The following PEAR1 variants were observed in gnomAD, a reference collection of about 807,000 sequenced individuals.
The protein encoded by PEAR1 is platelet endothelial aggregation receptor 1, also known as multiple EGF-like domains protein 12.
Under a neutral mutation model 131.2 loss-of-function variants are expected in PEAR1, and 113 were observed. That is an observed-to-expected ratio of 0.86 (90% CI 0.74 to 1.01). PEAR1 has a LOEUF of 1.01. PEAR1 is among the 50% of genes least tolerant of loss of function. PEAR1 has a pLI of 0.00. For synonymous variants in PEAR1, 565 were observed against 523.3 expected (o/e 1.08, Z -1.09); for missense variants, 1,408 against 1,391.1 (o/e 1.01, Z -0.19).
In PEAR1 at chr1:156,916,150, T is replaced by C. The variant is rs1651843513; in HGVS notation, c.*1352T>C. On this transcript the variant is annotated 3_prime_UTR_variant, in exon 23 of 23. Coordinates refer to ENST00000292357, the MANE Select transcript of PEAR1 (RefSeq NM_001080471.3). ...TAAAGAAATTGAAGGTTTTGGGACA[T>C]ATATGTGACAGCAATAGGTTAAGAA... is the stretch of plus-strand genomic sequence containing the variant. 1 of 152,220 alleles carries C rather than the reference T, an allele frequency of 6.6e-6. No individual in the cohort carries two copies. The highest frequency in any genetic ancestry group is 1.5e-5 in the Non-Finnish European group (1 of 68,044). 9.4% of individuals were successfully genotyped at this position (152,220 alleles called of 1,614,324 possible). A position where few individuals can be genotyped will look rare whatever the true frequency, so the allele number is the denominator to read the frequency against.
At position 156,913,024 on chromosome 1, in the gene PEAR1, T is replaced by A. The variant is rs1281020403; in HGVS notation, c.2422+42T>A. On this transcript the variant is annotated intron_variant, in intron 18 of 22. Coordinates refer to ENST00000292357, the MANE Select transcript of PEAR1 (RefSeq NM_001080471.3). ...CCTGGGGCACAGATGAGTGGCTGGC[T>A]CATAGGCACAAGAGTGGATGCTGGG... The A allele has an allele frequency of 1.9e-6, 3 of 1,608,320 alleles. No individual in the cohort carries two copies. The Admixed American group carries it at 5.0e-5, about 27-fold the overall frequency.
At position 156,898,949 on chromosome 1, in the gene PEAR1, T is replaced by A. The variant is rs567637797; in HGVS notation, c.-9-4969T>A. ...GAAAGGCAGATAGCAGAGTTTCTGA[T>A]GAAGAACAAGACAAAAGTCCAAAAG... is the stretch of plus-strand genomic sequence containing the variant. On this transcript the variant is annotated intron_variant, in intron 1 of 22. Coordinates refer to ENST00000292357, the MANE Select transcript of PEAR1 (RefSeq NM_001080471.3). 1.6e-4 allele frequency among the ~76,000 whole-genome samples: 24 copies of A among 152,270 alleles called. No homozygotes were observed. The South Asian group carries it at 4.6e-3, about 29-fold the overall frequency.
rs1326205352 is a variant in PEAR1, at chr1:156,908,912, T to C, written c.1291-4T>C. 1.9e-6 allele frequency: 3 copies of C among 1,612,878 alleles called. No homozygotes were observed. In the East Asian group the frequency reaches 6.7e-5, roughly 36 times the overall value. On this transcript the variant is annotated splice_region_variant and splice_polypyrimidine_tract_variant and intron_variant, in intron 10 of 22. Coordinates refer to ENST00000292357, the MANE Select transcript of PEAR1 (RefSeq NM_001080471.3). The surrounding 1 kb of genome is among the most constrained non-coding windows in gnomAD (Gnocchi z 4.2). ...GCCCCTCTCACCCGCTCACCCTCTT[T>C]CAGGGCCCTCACTGTGCTAGTCTTT...
intron 14 of PEAR1, 30 bp downstream of exon 14, chr1:156,910,410 C>A (rs762761003): frequency 2.2e-5 from 34 of 1,564,084 alleles, no homozygotes; most frequent in Admixed American, 1.3e-4. Flanking sequence ...CTTCCACCTG[C>A]CACCAGCAGG....
Position 156,908,148 on chromosome 1 carries a change from T to C in PEAR1, c.923T>C (p.Val308Ala). 1 of 1,598,100 alleles carries C rather than the reference T, an allele frequency of 6.3e-7. No individual in the cohort carries two copies. The highest frequency in any genetic ancestry group is 8.5e-7 in the Non-Finnish European group (1 of 1,173,890). ...TGDRCREECP[V>A]GRFGQDCAET... ...CCCAGGTGCCGGGAGGAGTGCCCGG[T>C]GGGCCGCTTTGGGCAGGACTGTGCT... Residue 308 changes from valine (V) to alanine (A), a missense_variant, in exon 9 of 23, where the codon GTG becomes GCG. Transcript: ENST00000292357. This position sits in a 1 kb window ranked among gnomAD's most constrained non-coding sequence, Gnocchi z 4.2.
At chr1:156,909,940 T>C in intron 12 of PEAR1, 26 bp downstream of exon 12, 1 of 1,611,720 alleles carries the variant, frequency 6.2e-7, no homozygotes, top group Non-Finnish European at 8.5e-7. Context: ...CCTGTCTGCC[T>C]GGGGGTGGGG....
chr1:156,902,596 T>TGGGTGTG lies in PEAR1; in HGVS notation c.-9-1310_-9-1304dup, dbSNP rs1475416501. ...TGGCTTTGGGGACCCTGGGAGTGTGTGGGTGTGGGGTGTGGGGTAGGGCCA... is the reference window on the plus strand; with the variant it reads ...TGGCTTTGGGGACCCTGGGAGTGTGTGGGTGTGGGGTGTGGGGTGTGGGGTAGGGCCA... On this transcript the variant is annotated intron_variant, in intron 1 of 22. Transcript: ENST00000292357. This position sits in a 1 kb window ranked among gnomAD's most constrained non-coding sequence, Gnocchi z 4.3. Among the ~76,000 whole-genome samples, 4 of 151,274 alleles carry TGGGTGTG rather than the reference T, an allele frequency of 2.6e-5. No homozygotes were observed. Among genetic ancestry groups the TGGGTGTG allele is most frequent in the Non-Finnish European group, 5.9e-5 (4 of 67,830 alleles).
intron 11 of PEAR1, among the ~76,000 whole-genome samples, chr1:156,909,279 G>A (rs923024771): frequency 6.6e-6 from 1 of 152,136 alleles, no homozygotes; most frequent in Admixed American, 6.5e-5. Flanking sequence ...CCTCACTGGC[G>A]AACGTCCCTC....
Position 156,906,827 on chromosome 1 carries a change from C to T in PEAR1, c.591C>T (p.Pro197=), listed in dbSNP as rs754413441. 1.9e-6 allele frequency: 3 copies of T among 1,614,040 alleles called. No individual in the cohort carries two copies. Among genetic ancestry groups the T allele is most frequent in the African/African-American group, 2.7e-5 (2 of 74,946 alleles). ...CQFRCQCHGA[P]CDPQTGACFC... is the part of the protein sequence containing the mutation. Reference sequence around the variant, plus strand: ...TCCGCTGCCAGTGCCATGGGGCACCCTGCGATCCCCAGACTGGAGCCTGCT... The same window carrying T: ...TCCGCTGCCAGTGCCATGGGGCACCTTGCGATCCCCAGACTGGAGCCTGCT... Residue 197 remains proline (P), a synonymous_variant, in exon 6 of 23, where the codon CCC becomes CCT. Coordinates refer to ENST00000292357, the MANE Select transcript of PEAR1 (RefSeq NM_001080471.3).
chr1:156,905,153 G>C (rs969782869), intron 3 of PEAR1, among the ~76,000 whole-genome samples, 171 bp from the exon 4 acceptor site: 3 of 152,102 alleles, frequency 2.0e-5, no homozygotes, highest in Non-Finnish European at 4.4e-5. Flanking sequence ...ACCCAGGCTG[G>C]AGTGCAGTGG....
At position 156,910,280 on chromosome 1, in the gene PEAR1, C is replaced by A. The variant is rs1180524351; in HGVS notation, c.1725C>A (p.Asn575Lys). ...GCCCTGAGGGCTTATGGGGAGTCAA[C>A]TGTAGCAACACCTGCACCTGCAAGA... ...LSCPEGLWGV[N>K]CSNTCTCKNG... is the part of the protein sequence containing the mutation. Residue 575 changes from asparagine to lysine, a missense_variant, in exon 14 of 23, where the codon AAC (asparagine) becomes AAA (lysine). By Grantham distance (94) the Asn-to-Lys change is moderately conservative (BLOSUM62 0). Transcript: ENST00000292357. 1.2e-6 allele frequency: 2 copies of A among 1,613,412 alleles called. No individual in the cohort carries two copies. Among genetic ancestry groups the A allele is most frequent in the Non-Finnish European group, 1.7e-6 (2 of 1,179,744 alleles).
At position 156,902,643 on chromosome 1, in the gene PEAR1, C is replaced by T. The variant is rs959108061; in HGVS notation, c.-9-1275C>T. Among the ~76,000 whole-genome samples, 4 of 151,976 alleles carry T rather than the reference C, an allele frequency of 2.6e-5. No individual in the cohort carries two copies. Among genetic ancestry groups the T allele is most frequent in the Admixed American group, 6.5e-5 (1 of 15,268 alleles). On this transcript the variant is annotated intron_variant, in intron 1 of 22. Transcript: ENST00000292357. The surrounding 1 kb of genome is among the most constrained non-coding windows in gnomAD (Gnocchi z 4.3). ...GCCAGGCAGCAACATTCCAGAGATA[C>T]TCAGGGGGGTAAGGGGCCAGCAACC...
rs913608119 is a variant in PEAR1, at chr1:156,902,028, C to T, written c.-9-1890C>T. 1.2e-4 allele frequency among the ~76,000 whole-genome samples: 18 copies of T among 152,162 alleles called. No homozygotes were observed. The East Asian group carries it at 3.5e-3, about 29-fold the overall frequency. The stretch of plus-strand genomic sequence containing the variant: ...TGTGGCCTCTCCCCTTCAGAGGGGG[C>T]CACAGTGTCAGCTCTGGAGACAAGC... On this transcript the variant is annotated intron_variant, in intron 1 of 22. Transcript: ENST00000292357. The surrounding 1 kb of genome is among the most constrained non-coding windows in gnomAD (Gnocchi z 4.3).
chr1:156,901,659 AG>A (rs1467516364), intron 1 of PEAR1, among the ~76,000 whole-genome samples: 1 of 152,160 alleles, frequency 6.6e-6, no homozygotes, highest in Non-Finnish European at 1.5e-5. Context: ...GTTGGAGCAC[AG>A]GGGCCCCACG....
In PEAR1 at chr1:156,908,502, T is replaced by C. The variant is rs1650635656; in HGVS notation, c.1116-153T>C. 6.6e-6 allele frequency among the ~76,000 whole-genome samples: 1 copy of C among 152,138 alleles called. No homozygotes were observed. The highest frequency in any genetic ancestry group is 1.5e-5 in the Non-Finnish European group (1 of 67,996). ...GGGAGGGGCCTGGGGTACCGCTACT[T>C]GCCCCAACCCAGTTTTCAGAATAGC... On this transcript the variant is annotated intron_variant, in intron 9 of 22. Coordinates refer to ENST00000292357, the MANE Select transcript of PEAR1 (RefSeq NM_001080471.3). This position sits in a 1 kb window ranked among gnomAD's most constrained non-coding sequence, Gnocchi z 4.2.
In PEAR1 at chr1:156,908,307, C is replaced by T. The variant is rs1304498167; in HGVS notation, c.1082C>T (p.Ala361Val). 13 of 1,561,534 alleles carry T rather than the reference C, an allele frequency of 8.3e-6. No homozygotes were observed. In the Admixed American group the frequency reaches 1.8e-4, roughly 22 times the overall value. The change falls in exon 9 of 23, where the codon GCC (alanine) becomes GTC (valine). Residue 361 changes from alanine to valine, a missense_variant. By Grantham distance (64) the Ala-to-Val change is moderately conservative. Transcript: ENST00000292357. The surrounding 1 kb of genome is among the most constrained non-coding windows in gnomAD (Gnocchi z 4.2). The part of the protein sequence containing the change: ...PDGFYGLSCQ[A>V]PCTCDREHSL... ...GGCTTCTACGGTCTCAGCTGCCAGG[C>T]CCCCTGCACCTGCGACCGGGAGCAC...
rs1471224938 is a variant in PEAR1, at chr1:156,916,289, T to C, written c.*1491T>C. 6.6e-6 allele frequency: 1 copy of C among 152,224 alleles called. No homozygotes were observed. Among genetic ancestry groups the C allele is most frequent in the African/African-American group, 2.4e-5 (1 of 41,442 alleles). 9.4% of individuals were successfully genotyped at this position (152,224 alleles called of 1,614,324 possible). A position where few individuals can be genotyped will look rare whatever the true frequency, so the allele number is the denominator to read the frequency against. On this transcript the variant is annotated 3_prime_UTR_variant, in exon 23 of 23. Coordinates refer to ENST00000292357, the MANE Select transcript of PEAR1 (RefSeq NM_001080471.3). ...GGGTCTCTACATTGCATTTTGGTAATTGCTTGCAATATTTCAAGCATTTTC... is the reference window on the plus strand; with the variant it reads ...GGGTCTCTACATTGCATTTTGGTAACTGCTTGCAATATTTCAAGCATTTTC...
At position 156,906,122 on chromosome 1, in the gene PEAR1, GT is replaced by G. The variant is rs566235953; in HGVS notation, c.308-152del. On this transcript the variant is annotated intron_variant, in intron 4 of 22. Coordinates refer to ENST00000292357, the MANE Select transcript of PEAR1 (RefSeq NM_001080471.3). ...GCATCTTGCTAAGTTCTCCCCCTGA[GT>G]TGCTGCCCCTCAGTCTTTATCTTAG... Among the ~76,000 whole-genome samples, 18 of 152,354 alleles carry G rather than the reference GT, an allele frequency of 1.2e-4. No homozygotes were observed. The South Asian group carries it at 3.7e-3, about 32-fold the overall frequency.
chr1:156,901,147 C>T (rs572238156), intron 1 of PEAR1, among the ~76,000 whole-genome samples: 1 of 152,310 alleles, frequency 6.6e-6, no homozygotes, highest in South Asian at 2.1e-4. Context: ...CTGACCCCAC[C>T]CTGGCTTCCA....
Sources: gnomAD v4.1 joint callset for allele counts (sites outside exome capture counted in the v4.1 genomes callset) on GRCh38, gnomAD v4.1.1 for gene constraint, Gnocchi (gnomAD v3.1) non-coding constraint, MANE v1.5 for transcripts, NCBI Gene and HGNC (gene_info 2026-07-23, HGNC 2026-07-21) for gene names.